SLCO3A1: variants seen among roughly 807,000 people sequenced by gnomAD.
SLCO3A1 encodes solute carrier organic anion transporter family member 3A1.
In SLCO3A1, 27 loss-of-function variants were observed where a neutral mutation model predicts 63.1. The observed-to-expected ratio is 0.43, with a 90% CI of 0.32 to 0.59. The LOEUF is 0.59. Ranked by LOEUF, SLCO3A1 falls within the 20% of genes least tolerant of loss-of-function variation. The probability of loss-of-function intolerance (pLI) is 0.09; values close to 1 mark genes in which losing one functional copy is unlikely to be tolerated. For missense variants in SLCO3A1, 773 were observed against 945.8 expected, an observed-to-expected ratio of 0.82 and a Z score of 2.40; for synonymous variants, 473 against 409.9, an observed-to-expected ratio of 1.15 and a Z score of -1.86.
intron 2 of SLCO3A1, among the ~76,000 whole-genome samples, chr15:92,073,729 C>T (rs1304452268): frequency 3.3e-5 from 5 of 152,236 alleles, no homozygotes; most frequent in Non-Finnish European, 5.9e-5. Context: ...CTGTGCATTG[C>T]AGGTTCAGTG....
At chr15:92,059,931 C>T (rs143817838) in intron 2 of SLCO3A1, among the ~76,000 whole-genome samples, 13 of 152,286 alleles carry the variant, frequency 8.5e-5, no homozygotes, top group Non-Finnish European at 1.5e-4. Flanking sequence ...TGTATCCTAC[C>T]GTACACCTAG....
Position 92,165,150 on chromosome 15 carries a change from C to T in SLCO3A1, c.*2015C>T, listed in dbSNP as rs1442539528. 1.1e-5 allele frequency: 11 copies of T among 985,254 alleles called. No individual in the cohort carries two copies. The highest frequency in any genetic ancestry group is 1.3e-5 in the Non-Finnish European group (11 of 829,932). 61.0% of individuals were successfully genotyped at this position (985,254 alleles called of 1,614,324 possible). A position where few individuals can be genotyped will look rare whatever the true frequency, so the allele number is the denominator to read the frequency against. ...TAGAGAAGGCACTCAGCAAGACCAA[C>T]CAAAAGAAAAGCTGTGTCGTGGTAT... On this transcript the variant is annotated 3_prime_UTR_variant, in exon 10 of 10. Transcript: ENST00000318445.
Position 91,900,807 on chromosome 15 carries a change from G to A in SLCO3A1, c.181-15186G>A, listed in dbSNP as rs1898134680. On this transcript the variant is annotated intron_variant, in intron 1 of 9. Transcript: ENST00000318445. This position sits in a 1 kb window ranked among gnomAD's most constrained non-coding sequence, Gnocchi z 4.3. Reference sequence around the variant, plus strand: ...AAATTACTTGCCTATTTTAAATTGAGTTGTTTGTCATTTTACTGTTGATTT... The same window carrying A: ...AAATTACTTGCCTATTTTAAATTGAATTGTTTGTCATTTTACTGTTGATTT... Among the ~76,000 whole-genome samples, 1 of 152,138 alleles carries A rather than the reference G, an allele frequency of 6.6e-6. No individual in the cohort carries two copies. Among genetic ancestry groups the A allele is most frequent in the Non-Finnish European group, 1.5e-5 (1 of 68,030 alleles).
intron 2 of SLCO3A1, among the ~76,000 whole-genome samples, chr15:92,064,199 C>G (rs2047120977): frequency 6.6e-6 from 1 of 152,226 alleles, no homozygotes. Flanking sequence ...CTCCCCTTCT[C>G]CCCTTCTCGC....
chr15:91,990,326 C>A (rs1399154785), intron 2 of SLCO3A1, among the ~76,000 whole-genome samples: 2 of 152,162 alleles, frequency 1.3e-5, no homozygotes, highest in African/African-American at 4.8e-5. Context: ...AAGAGGAGCA[C>A]CAGGGCCACT....
intron 10 of SLCO3A1, chr15:92,171,555 C>A (rs2048521529): frequency 2.0e-6 from 1 of 509,080 alleles, no homozygotes; most frequent in Non-Finnish European, 3.5e-6. Context: ...AGATAAATAT[C>A]CTTCCCAGAA....
chr15:91,880,078 C>T lies in SLCO3A1; in HGVS notation c.180+25990C>T, dbSNP rs548333662. On this transcript the variant is annotated intron_variant, in intron 1 of 9. Transcript: ENST00000318445. ...AGTGCTCCAGATAGATAGATATGCT[C>T]CTCAACCTGCTTGTATGTGTGTCCG... Among the ~76,000 whole-genome samples, 521 of 150,778 alleles carry T rather than the reference C, an allele frequency of 3.5e-3. 2 individuals carry two copies. The highest frequency in any genetic ancestry group is 0.012 in the African/African-American group (489 of 41,142).
At chr15:92,014,365 C>T (rs1173501596) in intron 2 of SLCO3A1, among the ~76,000 whole-genome samples, 2 of 152,190 alleles carry the variant, frequency 1.3e-5, no homozygotes. Context: ...GGAAAGAAAA[C>T]TGGCACTCTT....
intron 2 of SLCO3A1, among the ~76,000 whole-genome samples, chr15:92,043,807 A>G (rs908921301): frequency 6.6e-6 from 1 of 152,230 alleles, no homozygotes; most frequent in East Asian, 1.9e-4. Flanking sequence ...CAGAACCCCA[A>G]GAGGTCGAAA....
rs112104037 is a variant in SLCO3A1 at position 91,996,670 on chromosome 15, T to C, written c.646+80212T>C. Among the ~76,000 whole-genome samples the C allele has an allele frequency of 2.8e-3, 422 of 152,232 alleles. 1 individual carries two copies. Among genetic ancestry groups the C allele is most frequent in the African/African-American group, 9.7e-3 (405 of 41,548 alleles). ...AGAAATAGATGTTATTTGAACTGCCTAATGTGCTCAAAAACCAACCCATAC... is the reference window on the plus strand; with the variant it reads ...AGAAATAGATGTTATTTGAACTGCCCAATGTGCTCAAAAACCAACCCATAC... On this transcript the variant is annotated intron_variant, in intron 2 of 9. Transcript: ENST00000318445.
intron 2 of SLCO3A1, among the ~76,000 whole-genome samples, chr15:91,926,602 C>CGCGCGCGCGT (rs1555450195): frequency 1.1e-4 from 4 of 34,878 alleles, no homozygotes; most frequent in African/African-American, 7.5e-4. Context: ...TGTGTGCGCG[C>CGCGCGCGCGT]GCGCACGCCC....
At chr15:92,071,080 T>C (rs942905227) in intron 2 of SLCO3A1, among the ~76,000 whole-genome samples, 3 of 152,208 alleles carry the variant, frequency 2.0e-5, no homozygotes, top group African/African-American at 7.2e-5. Context: ...TTTTGCCCCC[T>C]TTTCTGGGAA....
intron 7 of SLCO3A1, among the ~76,000 whole-genome samples, chr15:92,129,529 G>A (rs1342854548): frequency 1.3e-5 from 2 of 152,072 alleles, no homozygotes; most frequent in Non-Finnish European, 2.9e-5. Context: ...TAAAGACATT[G>A]TTCTCACTTT....
At position 91,968,183 on chromosome 15, in the gene SLCO3A1, C is replaced by T. The variant is rs1046860089; in HGVS notation, c.646+51725C>T. Among the ~76,000 whole-genome samples the T allele has an allele frequency of 3.3e-5, 5 of 152,108 alleles. No homozygotes were observed. The highest frequency in any genetic ancestry group is 1.2e-4 in the African/African-American group (5 of 41,394). ...AATCATCCATGCCCACAGAGGAGAG[C>T]GTGTGCCCTGAGTTTCAGTGCCGGA... On this transcript the variant is annotated intron_variant, in intron 2 of 9. Transcript: ENST00000318445. The surrounding 1 kb of genome is among the most constrained non-coding windows in gnomAD (Gnocchi z 4.2).
chr15:92,123,206 C>T (rs1274258492), intron 5 of SLCO3A1, among the ~76,000 whole-genome samples: 1 of 152,104 alleles, frequency 6.6e-6, no homozygotes, highest in African/African-American at 2.4e-5. Flanking sequence ...GGGTGGATCA[C>T]CTGAGGTCAA....
intron 3 of SLCO3A1, among the ~76,000 whole-genome samples, chr15:92,096,392 G>A (rs2047539688): frequency 6.6e-6 from 1 of 152,240 alleles, no homozygotes; most frequent in African/African-American, 2.4e-5. Context: ...GGAAAGAGAA[G>A]GGATTATTAC....
intron 2 of SLCO3A1, among the ~76,000 whole-genome samples, chr15:92,043,458 G>A (rs1319852999): frequency 1.3e-5 from 2 of 152,152 alleles, no homozygotes; most frequent in South Asian, 2.1e-4. Context: ...GCCTCTCACT[G>A]GCCCAGGCAG....
chr15:92,012,409 G>T (rs1423862435), intron 2 of SLCO3A1, among the ~76,000 whole-genome samples: 2 of 152,144 alleles, frequency 1.3e-5, no homozygotes, highest in Non-Finnish European at 2.9e-5. Context: ...TGGGAATTTA[G>T]TCACCTTGAA....
chr15:91,909,169 C>A (rs1186984126), intron 1 of SLCO3A1, among the ~76,000 whole-genome samples: 1 of 152,176 alleles, frequency 6.6e-6, no homozygotes, highest in South Asian at 2.1e-4. Context: ...CATATACTTA[C>A]CAATGGCCAG....
Sources: allele counts gnomAD v4.1 joint callset (sites outside exome capture counted in the v4.1 genomes callset), GRCh38; gene constraint gnomAD v4.1.1; non-coding constraint Gnocchi (gnomAD v3.1); transcripts MANE v1.5; gene names NCBI Gene and HGNC (gene_info 2026-07-23, HGNC 2026-07-21).